KHNYN: variants seen among roughly 807,000 people sequenced by gnomAD.
The protein encoded by KHNYN is KH and NYN domain containing, also known as protein KHNYN.
In KHNYN, 42 loss-of-function variants were observed where a neutral mutation model predicts 62.7. The ratio of observed to expected loss-of-function variants is 0.67; its 90% CI spans 0.52 to 0.87. KHNYN has a LOEUF of 0.87. Among genes scored for constraint, KHNYN ranks in the 40% least tolerant of loss-of-function variants. KHNYN has a pLI of 0.00. For missense variants in KHNYN, 829 were observed against 874.1 expected (o/e 0.95, Z 0.65); for synonymous variants, 347 against 345.6 (o/e 1.00, Z -0.04).
intron 5 of KHNYN, chr14:24,434,248 A>C (rs1426534699): frequency 1.0e-6 from 1 of 985,338 alleles, no homozygotes; most frequent in Non-Finnish European, 1.2e-6. Context: ...ACATAATATA[A>C]ATTGGGAATT....
At position 24,440,256 on chromosome 14, in the gene KHNYN, C is replaced by A; in HGVS notation, c.*2971C>A. The A allele has an allele frequency of 6.2e-7, 1 of 1,613,884 alleles. No individual in the cohort carries two copies. The highest frequency in any genetic ancestry group is 8.5e-7 in the Non-Finnish European group (1 of 1,179,798). On this transcript the variant is annotated 3_prime_UTR_variant, in exon 8 of 8. Coordinates refer to ENST00000553935, the MANE Select transcript of KHNYN (RefSeq NM_015299.3). The stretch of plus-strand genomic sequence containing the variant: ...GGGAGAGGGATGAAGGCTCGGCGGC[C>A]CAGGGCAGCACCCAAGGTCTGGGCA...
upstream of KHNYN, chr14:24,428,116 A>G (rs1299463041): frequency 2.3e-6 from 3 of 1,318,482 alleles, no homozygotes; most frequent in African/African-American, 1.5e-5. Context: ...GGCGGCCAGC[A>G]TTGGACTCTG....
chr14:24,429,590 C>T (rs900897041), upstream of KHNYN: 4 of 776,984 alleles, frequency 5.1e-6, no homozygotes, highest in Non-Finnish European at 7.1e-6. Flanking sequence ...CCCTCCGCCT[C>T]CCGCCTCCCG....
At chr14:24,429,107 T>C (rs2043058677), upstream of KHNYN, 12 of 1,451,452 alleles carry the variant, frequency 8.3e-6, no homozygotes, top group Non-Finnish European at 1.1e-5. Context: ...CCCTCTTCTG[T>C]TTCCGCTCCT....
In KHNYN at chr14:24,441,630, G is replaced by C. The variant is rs781238250; in HGVS notation, c.*4345G>C. The stretch of plus-strand genomic sequence containing the variant: ...TAGCTACAGAGGTCTGAGTTACCCC[G>C]TTCCCCTGGCGAATATAAGGGGCTG... On this transcript the variant is annotated 3_prime_UTR_variant, in exon 8 of 8. Coordinates refer to ENST00000553935, the MANE Select transcript of KHNYN (RefSeq NM_015299.3). The C allele has an allele frequency of 1.3e-6, 2 of 1,523,512 alleles. No homozygotes were observed. Among genetic ancestry groups the C allele is most frequent in the Non-Finnish European group, 1.8e-6 (2 of 1,126,694 alleles). The allele number at this position is 1,523,512 out of a possible 1,614,324, so 94.4% of individuals were successfully genotyped here. A position where few individuals can be genotyped will look rare whatever the true frequency, so the allele number is the denominator to read the frequency against.
chr14:24,431,156 C>CA (rs1321732066), intron 2 of KHNYN, among the ~76,000 whole-genome samples: 2 of 152,176 alleles, frequency 1.3e-5, no homozygotes, highest in African/African-American at 4.8e-5. Flanking sequence ...CCCAGGCTGG[C>CA]AAAAATCATT....
chr14:24,426,099 GACTT>G (rs2043017692), upstream of KHNYN, among the ~76,000 whole-genome samples: 1 of 152,140 alleles, frequency 6.6e-6, no homozygotes, highest in African/African-American at 2.4e-5. Context: ...ACTTTATAGT[GACTT>G]CTTCCTTTTT....
intron 5 of KHNYN, 46 bp from the exon 6 acceptor site, chr14:24,436,026 A>T: frequency 1.5e-6 from 2 of 1,376,212 alleles, no homozygotes; most frequent in Non-Finnish European, 2.1e-6. Context: ...TGTACCCAGT[A>T]GGTAATTTTT....
At chr14:24,436,539 T>TG in intron 7 of KHNYN, 50 bp downstream of exon 7, 2 of 1,362,778 alleles carry the variant, frequency 1.5e-6, no homozygotes, top group Non-Finnish European at 2.1e-6. Flanking sequence ...CCTGGCCCTC[T>TG]CTCAGCAGGC....
chr14:24,432,105 G>C lies in KHNYN; in HGVS notation c.844G>C (p.Glu282Gln). 3 of 1,555,722 alleles carry C rather than the reference G, an allele frequency of 1.9e-6. No individual in the cohort carries two copies. The highest frequency in any genetic ancestry group is 2.6e-6 in the Non-Finnish European group (3 of 1,149,752). Reference protein sequence around the residue: ...WKELPGEEAWEREVALRPQSV... With the variant: ...WKELPGEEAWQREVALRPQSV... Reference sequence around the variant, plus strand: ...GGAGTTGCCTGGGGAAGAGGCGTGGGAGAGAGAAGTGGCCCTCAGGCCACA... The same window carrying C: ...GGAGTTGCCTGGGGAAGAGGCGTGGCAGAGAGAAGTGGCCCTCAGGCCACA... Residue 282 changes from glutamate to glutamine, a missense_variant, in exon 3 of 8, where the codon GAG becomes CAG. Glu to Gln is a conservative substitution (Grantham distance 29). Coordinates refer to ENST00000553935, the MANE Select transcript of KHNYN (RefSeq NM_015299.3). This position sits in a 1 kb window ranked among gnomAD's most constrained non-coding sequence, Gnocchi z 5.6.
At chr14:24,429,757 C>T (rs2043069429), upstream of KHNYN, 1 of 985,146 alleles carries the variant, frequency 1.0e-6, no homozygotes, top group East Asian at 1.1e-4. Context: ...GCGCAGAATG[C>T]GCGAGGACCC....
In KHNYN at chr14:24,429,991, G is replaced by A. The variant is rs2043073764; in HGVS notation, c.-146G>A. 2 of 986,014 alleles carry A rather than the reference G, an allele frequency of 2.0e-6. No individual in the cohort carries two copies. 61.1% of individuals were successfully genotyped at this position (986,014 alleles called of 1,614,324 possible). A position where few individuals can be genotyped will look rare whatever the true frequency, so the allele number is the denominator to read the frequency against. The stretch of plus-strand genomic sequence containing the variant: ...ATGTGGACAAGAGAGGTCCCCGCTG[G>A]GTGAGGAACCCGGGAAGGCCCGCCC... On this transcript the variant is annotated 5_prime_UTR_variant, in exon 1 of 8. Coordinates refer to ENST00000553935, the MANE Select transcript of KHNYN (RefSeq NM_015299.3).
chr14:24,423,432 G>A, the KHNYN span, among the ~76,000 whole-genome samples: 3 of 151,592 alleles, frequency 2.0e-5, no homozygotes, highest in South Asian at 4.2e-4. Context: ...GGAGGAACTC[G>A]TCTCCCACCG....
At chr14:24,434,922 C>A (rs2043182555) in intron 5 of KHNYN, among the ~76,000 whole-genome samples, 1 of 152,178 alleles carries the variant, frequency 6.6e-6, no homozygotes, top group Non-Finnish European at 1.5e-5. Context: ...AACCATAAAT[C>A]AAACACTACA....
rs1198459869 is a variant in KHNYN at position 24,430,710 on chromosome 14, C to T, written c.-17-4C>T. 1 of 1,552,560 alleles carries T rather than the reference C, an allele frequency of 6.4e-7. No individual in the cohort carries two copies. Among genetic ancestry groups the T allele is most frequent in the Non-Finnish European group, 8.7e-7 (1 of 1,147,772 alleles). ...AGGCTCTGAGCTGCCTTCTCCCCTTCCAGGGCTGGGGGCAGCAGCCATGCC... is the reference window on the plus strand; with the variant it reads ...AGGCTCTGAGCTGCCTTCTCCCCTTTCAGGGCTGGGGGCAGCAGCCATGCC... On this transcript the variant is annotated splice_region_variant and splice_polypyrimidine_tract_variant and intron_variant, in intron 1 of 7. Coordinates refer to ENST00000553935, the MANE Select transcript of KHNYN (RefSeq NM_015299.3).
chr14:24,434,450 G>T, intron 5 of KHNYN: 1 of 832,216 alleles, frequency 1.2e-6, no homozygotes, highest in Non-Finnish European at 1.4e-6. Flanking sequence ...CTGTCGCCAC[G>T]CTGGAGTGCA....
At chr14:24,434,034 A>G (rs2043167768) in intron 5 of KHNYN, 1 of 523,840 alleles carries the variant, frequency 1.9e-6, no homozygotes, top group Non-Finnish European at 2.5e-6. Context: ...CTATTCCTTA[A>G]CAAGCAAATG....
Position 24,439,839 on chromosome 14 carries a change from GCTGCAGGACA to G in KHNYN, c.*2555_*2564del. ...CACAGCGTAAAGGAGAAGTGGGGCA[GCTGCAGGACA>G]TGTAGAGAAACCAAACTGGGAAATC... is the stretch of plus-strand genomic sequence containing the variant. On this transcript the variant is annotated 3_prime_UTR_variant, in exon 8 of 8. Transcript: ENST00000553935. 2.2e-6 allele frequency: 1 copy of G among 457,680 alleles called. No individual in the cohort carries two copies. Among genetic ancestry groups the G allele is most frequent in the Non-Finnish European group, 3.9e-6 (1 of 257,468 alleles). 28.4% of individuals were successfully genotyped at this position (457,680 alleles called of 1,614,324 possible).
upstream of KHNYN, chr14:24,428,156 C>T: frequency 7.3e-7 from 1 of 1,375,452 alleles, no homozygotes; most frequent in Admixed American, 1.9e-5. Flanking sequence ...GCAAGGCAGG[C>T]CCATTCCTCC....
Sources: gnomAD v4.1 joint callset for allele counts (sites outside exome capture counted in the v4.1 genomes callset) on GRCh38, gnomAD v4.1.1 for gene constraint, Gnocchi (gnomAD v3.1) non-coding constraint, MANE v1.5 for transcripts, NCBI Gene and HGNC (gene_info 2026-07-23, HGNC 2026-07-21) for gene names.